RAP1GAP2: variants seen among roughly 807,000 people sequenced by gnomAD.
RAP1GAP2 encodes the protein RAP1 GTPase activating protein 2.
In RAP1GAP2, 27 loss-of-function variants were observed where a neutral mutation model predicts 95.0. That is an observed-to-expected ratio of 0.28 (90% CI 0.21 to 0.39). RAP1GAP2 has a LOEUF of 0.39. RAP1GAP2 is among the 10% of genes least tolerant of loss of function. The pLI, the probability that RAP1GAP2 is intolerant of heterozygous loss-of-function variation, is 1.00. For synonymous variants in RAP1GAP2, 373 were observed against 380.9 expected, an observed-to-expected ratio of 0.98 and a Z score of 0.24; for missense variants, 771 against 970.0, an observed-to-expected ratio of 0.79 and a Z score of 2.72.
At chr17:2,956,984 C>T (rs142057065) in intron 3 of RAP1GAP2, among the ~76,000 whole-genome samples, 145 of 152,060 alleles carry the variant, frequency 9.5e-4, no homozygotes, top group African/African-American at 3.1e-3. Flanking sequence ...AAAAATTAGC[C>T]GGGCACGATG....
chr17:2,815,417 C>T (rs1189040280), intron 2 of RAP1GAP2, among the ~76,000 whole-genome samples: 3 of 151,656 alleles, frequency 2.0e-5, no homozygotes, highest in African/African-American at 4.8e-5. Context: ...GTGCCTGGTA[C>T]CTAGTGCTCA....
chr17:3,027,835 C>T lies in RAP1GAP2; in HGVS notation c.2107+765C>T, dbSNP rs1185782941. On this transcript the variant is annotated intron_variant, in intron 22 of 24. Coordinates refer to ENST00000254695, the MANE Select transcript of RAP1GAP2 (RefSeq NM_015085.5). This position sits in a 1 kb window ranked among gnomAD's most constrained non-coding sequence, Gnocchi z 5.2. ...GAGCTGCGGCAGAAGCACCTCGGTT[C>T]AGGAGAGATCAAGGAGGTAAAATGT... Among the ~76,000 whole-genome samples, 2 of 151,412 alleles carry T rather than the reference C, an allele frequency of 1.3e-5. No homozygotes were observed. Among genetic ancestry groups the T allele is most frequent in the Non-Finnish European group, 2.9e-5 (2 of 67,856 alleles).
chr17:2,873,190 T>A (rs1443400930), intron 2 of RAP1GAP2, among the ~76,000 whole-genome samples: 1 of 149,938 alleles, frequency 6.7e-6, no homozygotes, highest in Admixed American at 6.7e-5. Context: ...CTGGGTGCAG[T>A]GGCTCATGTC....
chr17:2,875,119 T>C lies in RAP1GAP2; in HGVS notation c.81-30165T>C, dbSNP rs190616034. ...CTTGCTCTTGACGCCCAGGCTAGAG[T>C]GCAATGGTGCGATCTCGGCTCACTG... is the stretch of plus-strand genomic sequence containing the variant. On this transcript the variant is annotated intron_variant, in intron 2 of 24. Transcript: ENST00000254695. Among the ~76,000 whole-genome samples, 35 of 152,258 alleles carry C rather than the reference T, an allele frequency of 2.3e-4. 1 individual carries two copies. In the East Asian group the frequency reaches 5.8e-3, roughly 25 times the overall value.
At chr17:2,849,999 C>CTTTTT (rs5818878) in intron 2 of RAP1GAP2, among the ~76,000 whole-genome samples, 3 of 132,544 alleles carry the variant, frequency 2.3e-5, no homozygotes, top group African/African-American at 2.8e-5. Flanking sequence ...ACACTGCCTG[C>CTTTTT]TTTTTTTTTT....
chr17:2,793,281 G>A (rs1292787553), upstream of RAP1GAP2, among the ~76,000 whole-genome samples: 2 of 151,990 alleles, frequency 1.3e-5, no homozygotes, highest in African/African-American at 2.4e-5. Context: ...AGCCTCCTGA[G>A]TAGCTGGGAA....
chr17:2,800,364 C>G (rs570975791), intron 1 of RAP1GAP2, 151 bp from the exon 2 acceptor site: 17 of 1,258,474 alleles, frequency 1.4e-5, no homozygotes, highest in South Asian at 2.7e-5. Flanking sequence ...CGTCTCTCCC[C>G]CTGCTAGCGG....
intron 8 of RAP1GAP2, among the ~76,000 whole-genome samples, chr17:2,970,297 T>A (rs112292143): frequency 0.014 from 1,426 of 105,140 alleles, 19 homozygotes; most frequent in Non-Finnish European, 0.023. Context: ...AAAAAAAAAA[T>A]AATAATAATA....
At chr17:2,770,592 A>G in intron 2 of RAP1GAP2, 1 of 396,786 alleles carries the variant, frequency 2.5e-6, no homozygotes, top group Non-Finnish European at 4.4e-6. Context: ...TCTAGGAAAG[A>G]ATTTATCAGC....
chr17:2,963,522 G>C lies in RAP1GAP2; in HGVS notation c.279+60G>C. Reference sequence around the variant, plus strand: ...AGCCTGCTCTGGGTCCCGTCCCTGGGGAAATGATGGCGATGGCCTGTGCCC... The same window carrying C: ...AGCCTGCTCTGGGTCCCGTCCCTGGCGAAATGATGGCGATGGCCTGTGCCC... On this transcript the variant is annotated intron_variant, in intron 6 of 24. Coordinates refer to ENST00000254695, the MANE Select transcript of RAP1GAP2 (RefSeq NM_015085.5). The surrounding 1 kb of genome is among the most constrained non-coding windows in gnomAD (Gnocchi z 4.8). 5.6e-6 allele frequency: 9 copies of C among 1,604,902 alleles called. No individual in the cohort carries two copies. Among genetic ancestry groups the C allele is most frequent in the Non-Finnish European group, 6.8e-6 (8 of 1,171,792 alleles).
At chr17:2,905,402 G>T (rs1184867861) in intron 3 of RAP1GAP2, 34 bp downstream of exon 3, 1 of 1,602,746 alleles carries the variant, frequency 6.2e-7, no homozygotes, top group Non-Finnish European at 8.5e-7. Context: ...GCAGGGAGGG[G>T]AGAGTGTGGG....
At chr17:2,837,908 A>C (rs930124388) in intron 2 of RAP1GAP2, among the ~76,000 whole-genome samples, 16 of 149,608 alleles carry the variant, frequency 1.1e-4, no homozygotes, top group Admixed American at 2.0e-4. Context: ...ACCCGGTCTC[A>C]GCCCTGCTTC....
chr17:2,952,476 G>A (rs1045173165), intron 3 of RAP1GAP2, among the ~76,000 whole-genome samples: 3 of 152,176 alleles, frequency 2.0e-5, no homozygotes, highest in Non-Finnish European at 2.9e-5. Flanking sequence ...ATTCCTTAGA[G>A]TGGGTTTCCT....
chr17:3,023,929 G>C (rs1206351661), intron 19 of RAP1GAP2, among the ~76,000 whole-genome samples: 1 of 152,098 alleles, frequency 6.6e-6, no homozygotes, highest in Non-Finnish European at 1.5e-5. Context: ...TCCTGTGTTA[G>C]TTTGCTGAGG....
intron 2 of RAP1GAP2, among the ~76,000 whole-genome samples, chr17:2,843,375 T>A (rs1025738656): frequency 5.3e-5 from 8 of 151,120 alleles, no homozygotes; most frequent in African/African-American, 1.9e-4. Flanking sequence ...AACCTCCACC[T>A]CCTGGGTTCA....
intron 3 of RAP1GAP2, among the ~76,000 whole-genome samples, chr17:2,948,750 G>A (rs2043803370): frequency 6.6e-6 from 1 of 150,994 alleles, no homozygotes; most frequent in African/African-American, 2.4e-5. Context: ...GTGGCTGCCT[G>A]TCTGCAGGAG....
At chr17:2,762,403 T>C (rs1042940664) in intron 1 of RAP1GAP2, among the ~76,000 whole-genome samples, 1 of 147,604 alleles carries the variant, frequency 6.8e-6, no homozygotes, top group South Asian at 2.1e-4. Context: ...CTTTCTTTTT[T>C]TTTTTTTTTT....
At chr17:2,828,197 A>C (rs535404772) in intron 2 of RAP1GAP2, among the ~76,000 whole-genome samples, 2 of 151,882 alleles carry the variant, frequency 1.3e-5, no homozygotes, top group Non-Finnish European at 2.9e-5. Flanking sequence ...AAAAATTAGC[A>C]GGGTGTGGTG....
At chr17:2,769,430 C>CT (rs2068346546) in intron 1 of RAP1GAP2, among the ~76,000 whole-genome samples, 1 of 151,238 alleles carries the variant, frequency 6.6e-6, no homozygotes, top group African/African-American at 2.4e-5. Context: ...CGGTGGGCGC[C>CT]TGTAGTCCCA....
Sources: allele counts gnomAD v4.1 joint callset (sites outside exome capture counted in the v4.1 genomes callset), GRCh38; gene constraint gnomAD v4.1.1; non-coding constraint Gnocchi (gnomAD v3.1); transcripts MANE v1.5; gene names NCBI Gene and HGNC (gene_info 2026-07-23, HGNC 2026-07-21).